ZFHX3: variants seen among roughly 807,000 people sequenced by gnomAD.
The protein encoded by ZFHX3 is zinc finger homeobox protein 3.
ZFHX3 carries 42 observed loss-of-function variants against 279.1 expected under a neutral mutation model. The ratio of observed to expected loss-of-function variants is 0.15; its 90% CI spans 0.12 to 0.19. The LOEUF (loss-of-function observed/expected upper bound fraction) is 0.19, where lower values mean the gene tolerates loss of function less well. Among genes scored for constraint, ZFHX3 ranks in the 10% least tolerant of loss-of-function variants. The pLI, the probability that ZFHX3 is intolerant of heterozygous loss-of-function variation, is 1.00. For missense variants in ZFHX3, 4,981 were observed against 4,754.0 expected (o/e 1.05, Z -1.40); for synonymous variants, 2,293 against 1,957.8 (o/e 1.17, Z -4.52).
At chr16:72,962,401 A>G (rs1459629042) in intron 1 of ZFHX3, among the ~76,000 whole-genome samples, 1 of 152,246 alleles carries the variant, frequency 6.6e-6, no homozygotes, top group African/African-American at 2.4e-5. Flanking sequence ...GGAAGATGTC[A>G]GGAAAGAATG....
chr16:73,758,645 C>T (rs142340475), intron 1 of ZFHX3, among the ~76,000 whole-genome samples: 2 of 152,314 alleles, frequency 1.3e-5, no homozygotes, highest in African/African-American at 2.4e-5. Context: ...GGTCTGAATA[C>T]ACAGGCGGAT....
chr16:72,850,987 G>A (rs1177663561), intron 4 of ZFHX3, among the ~76,000 whole-genome samples: 1 of 152,166 alleles, frequency 6.6e-6, no homozygotes, highest in African/African-American at 2.4e-5. Context: ...CCAGGAGCCT[G>A]ACTGAGGCTG....
chr16:73,818,336 T>C (rs1369018110), intron 1 of ZFHX3, among the ~76,000 whole-genome samples: 2 of 152,146 alleles, frequency 1.3e-5, no homozygotes, highest in Non-Finnish European at 2.9e-5. Flanking sequence ...GTATGGAAGT[T>C]TGTGGCAAGG....
chr16:73,320,212 C>A (rs189519441), intron 3 of ZFHX3, among the ~76,000 whole-genome samples: 2 of 152,266 alleles, frequency 1.3e-5, no homozygotes, highest in Admixed American at 1.3e-4. Context: ...ACATGGAATT[C>A]ATCGTTCAAA....
At chr16:73,022,288 T>C (rs1042456412) in intron 1 of ZFHX3, among the ~76,000 whole-genome samples, 1 of 152,114 alleles carries the variant, frequency 6.6e-6, no homozygotes, top group Non-Finnish European at 1.5e-5. Context: ...AAGCTCTCGC[T>C]GAGAAAGCCA....
At chr16:73,054,301 T>G (rs972148011) in intron 1 of ZFHX3, among the ~76,000 whole-genome samples, 26 of 152,282 alleles carry the variant, frequency 1.7e-4, no homozygotes, top group African/African-American at 5.8e-4. Flanking sequence ...GAAAGTGGGC[T>G]CGCAGGGGAC....
chr16:73,556,140 T>C (rs2020278373), intron 2 of ZFHX3, among the ~76,000 whole-genome samples: 1 of 152,168 alleles, frequency 6.6e-6, no homozygotes, highest in Non-Finnish European at 1.5e-5. Flanking sequence ...TAATTGGACC[T>C]CTGGAAAGCA....
chr16:72,872,965 C>T (rs1327607832), intron 4 of ZFHX3, among the ~76,000 whole-genome samples: 1 of 152,188 alleles, frequency 6.6e-6, no homozygotes, highest in African/African-American at 2.4e-5. Context: ...CCACAACAGC[C>T]TGGGGTCTTC....
chr16:73,049,325 C>T (rs1965407146), upstream of ZFHX3, among the ~76,000 whole-genome samples: 1 of 152,210 alleles, frequency 6.6e-6, no homozygotes, highest in South Asian at 2.1e-4. Flanking sequence ...GAGTCTTTTC[C>T]TCGGGCACAA....
intron 5 of ZFHX3, among the ~76,000 whole-genome samples, chr16:73,190,126 A>G (rs538523087): frequency 1.1e-4 from 16 of 152,178 alleles, no homozygotes; most frequent in Non-Finnish European, 4.4e-5. Flanking sequence ...ACCACTCCTT[A>G]TCTGAGGCCA....
At chr16:72,926,670 C>T (rs1034713390) in intron 3 of ZFHX3, among the ~76,000 whole-genome samples, 10 of 152,168 alleles carry the variant, frequency 6.6e-5, no homozygotes, top group Non-Finnish European at 1.5e-4. Context: ...ATCAAAGATC[C>T]CATGACATTT....
chr16:73,517,662 T>C (rs371450181), intron 2 of ZFHX3, among the ~76,000 whole-genome samples: 4 of 152,214 alleles, frequency 2.6e-5, no homozygotes, highest in East Asian at 1.9e-4. Flanking sequence ...ATCCCACCTA[T>C]GAGGTGAGGG....
chr16:73,808,272 A>T (rs906331417), intron 1 of ZFHX3, among the ~76,000 whole-genome samples: 9 of 152,342 alleles, frequency 5.9e-5, no homozygotes, highest in Admixed American at 3.3e-4. Flanking sequence ...TGAGAAATAA[A>T]TGTTGTAGGG....
chr16:72,877,165 C>G (rs924336380), intron 4 of ZFHX3, among the ~76,000 whole-genome samples: 1 of 152,184 alleles, frequency 6.6e-6, no homozygotes, highest in Non-Finnish European at 1.5e-5. Context: ...GTCTTCAGAT[C>G]CGCCCAGGGT....
chr16:73,731,841 C>A (rs1233475302), intron 1 of ZFHX3, among the ~76,000 whole-genome samples: 2 of 152,094 alleles, frequency 1.3e-5, no homozygotes, highest in Non-Finnish European at 2.9e-5. Flanking sequence ...CATAGAAGGA[C>A]TGAGGTGTTA....
Position 72,797,251 on chromosome 16 carries a change from G to T in ZFHX3, c.5431C>A (p.Pro1811Thr). 1 of 1,613,632 alleles carries T rather than the reference G, an allele frequency of 6.2e-7. No homozygotes were observed. The highest frequency in any genetic ancestry group is 8.5e-7 in the Non-Finnish European group (1 of 1,179,750). Residue 1811 changes from proline (P) to threonine (T), a missense_variant, in exon 9 of 10, where the codon CCC (proline) becomes ACC (threonine). Physicochemically the swap from Pro to Thr is conservative, Grantham distance 38. Coordinates refer to ENST00000268489, the MANE Select transcript of ZFHX3 (RefSeq NM_006885.4). The part of the protein sequence containing the change: ...YIPSAEFQLN[P>T]EVSLPVTSGA... ...CTGGTCACTGGCAAGCTCACCTCGG[G>T]GTTAAGCTGGAACTCAGCACTGGGG...
intron 6 of ZFHX3, among the ~76,000 whole-genome samples, chr16:73,133,106 T>C (rs1232530474): frequency 1.3e-5 from 2 of 152,222 alleles, no homozygotes; most frequent in East Asian, 3.9e-4. Context: ...ATGCTTTTGG[T>C]CTAGGGCATG....
intron 1 of ZFHX3, among the ~76,000 whole-genome samples, chr16:73,705,000 C>G (rs1274219715): frequency 1.3e-5 from 2 of 152,188 alleles, no homozygotes; most frequent in African/African-American, 4.8e-5. Flanking sequence ...TGGCTGATTT[C>G]AACCCAGCAA....
At chr16:73,659,281 G>T (rs544516626) in intron 2 of ZFHX3, among the ~76,000 whole-genome samples, 1 of 152,100 alleles carries the variant, frequency 6.6e-6, no homozygotes, top group Non-Finnish European at 1.5e-5. Context: ...ATGTACATAC[G>T]TGCAAAAACA....
Sources: allele counts gnomAD v4.1 joint callset (sites outside exome capture counted in the v4.1 genomes callset), GRCh38; gene constraint gnomAD v4.1.1; transcripts MANE v1.5; gene names NCBI Gene and HGNC (gene_info 2026-07-23, HGNC 2026-07-21).